Variants in LENG8 observed in about 807,000 individuals in gnomAD.
LENG8 encodes the protein leukocyte receptor cluster (LRC) member 8.
LENG8 carries 28 observed loss-of-function variants against 102.1 expected under a neutral mutation model. The ratio of observed to expected loss-of-function variants is 0.27; its 90% CI spans 0.20 to 0.38. LENG8 has a LOEUF of 0.38. Among genes scored for constraint, LENG8 ranks in the 10% least tolerant of loss-of-function variants. The pLI is 1.00. For synonymous variants in LENG8, 531 were observed against 456.7 expected (o/e 1.16, Z -2.07); for missense variants, 1,022 against 1,113.9 (o/e 0.92, Z 1.17).
intron 1 of LENG8, 47 bp from the exon 2 acceptor site, chr19:54,451,242 GT>G: frequency 4.8e-6 from 6 of 1,247,142 alleles, no homozygotes; most frequent in Non-Finnish European, 5.9e-6. Flanking sequence ...TTTGTGACGT[GT>G]TTTTAGCTCC....
At chr19:54,453,088 C>T (rs1170800788) in intron 4 of LENG8, among the ~76,000 whole-genome samples, 2 of 152,210 alleles carry the variant, frequency 1.3e-5, no homozygotes. Flanking sequence ...TCTTGGAGGT[C>T]TCTGCTCAGA....
At chr19:54,459,208 G>A in intron 15 of LENG8, 1 of 1,115,916 alleles carries the variant, frequency 9.0e-7, no homozygotes, top group Admixed American at 4.5e-5. Flanking sequence ...ACAGCAAGGG[G>A]ATGCTCTTGG....
Position 54,461,480 on chromosome 19 carries a change from A to G in LENG8, c.*552A>G, listed in dbSNP as rs751368532. 4.3e-6 allele frequency: 2 copies of G among 463,810 alleles called. No individual in the cohort carries two copies. The highest frequency in any genetic ancestry group is 8.9e-6 in the Non-Finnish European group (2 of 225,596). The allele number at this position is 463,810 out of a possible 1,614,324, so 28.7% of individuals were successfully genotyped here. On this transcript the variant is annotated 3_prime_UTR_variant, in exon 16 of 16. Transcript: ENST00000326764. ...AGACTGTGCCCGTCCTCGGCCCCCC[A>G]CCCTGAAGTGCCAGCACCACCAGCA... is the stretch of plus-strand genomic sequence containing the variant.
chr19:54,460,627 G>A lies in LENG8; in HGVS notation c.2241-139G>A. 3.5e-6 allele frequency: 5 copies of A among 1,432,152 alleles called. No individual in the cohort carries two copies. In the South Asian group the frequency reaches 7.5e-5, roughly 22 times the overall value. The allele number at this position is 1,432,152 out of a possible 1,614,324, so 88.7% of individuals were successfully genotyped here. Reference sequence around the variant, plus strand: ...CCCGAGCCCCTGAGGTGGGGAGGCTGGGAGGCGGGTGGGGAGCCAGCAGGC... The same window carrying A: ...CCCGAGCCCCTGAGGTGGGGAGGCTAGGAGGCGGGTGGGGAGCCAGCAGGC... On this transcript the variant is annotated intron_variant, in intron 15 of 15. Coordinates refer to ENST00000326764, the MANE Select transcript of LENG8 (RefSeq NM_052925.4).
Position 54,452,089 on chromosome 19 carries a change from G to T in LENG8, c.39-4G>T, listed in dbSNP as rs373695019. ...GTGTGACTTGATGTCCTCTCTCTCT[G>T]CAGGTCTTCTCAGTACAGCATGGTG... On this transcript the variant is annotated splice_polypyrimidine_tract_variant and splice_region_variant and intron_variant, in intron 2 of 15. Coordinates refer to ENST00000326764, the MANE Select transcript of LENG8 (RefSeq NM_052925.4). 5.0e-6 allele frequency: 8 copies of T among 1,606,728 alleles called. No individual in the cohort carries two copies. In the African/African-American group the frequency reaches 9.4e-5, roughly 19 times the overall value.
chr19:54,456,601 G>A (rs748813145), intron 10 of LENG8, 35 bp from the exon 11 acceptor site: 26 of 1,580,366 alleles, frequency 1.6e-5, no homozygotes, highest in Middle Eastern at 3.4e-4. Context: ...GGCTGGAGAC[G>A]CCTGTCGCGC....
In LENG8 at chr19:54,452,131, A is replaced by G. The variant is rs2083991823; in HGVS notation, c.77A>G (p.Glu26Gly). The part of the protein sequence containing the change: ...QYSMVAGAGR[E>G]NGMETPMHEN... ...AGCATGGTGGCTGGGGCAGGCCGAG[A>G]GAATGGCATGGAGACGCCGATGCAC... Residue 26 changes from glutamate to glycine, a missense_variant, in exon 3 of 16, where the codon GAG (glutamate) becomes GGG (glycine). Physicochemically the swap from Glu to Gly is moderately conservative, Grantham distance 98. Coordinates refer to ENST00000326764, the MANE Select transcript of LENG8 (RefSeq NM_052925.4). 5.0e-6 allele frequency: 8 copies of G among 1,614,034 alleles called. No homozygotes were observed. The highest frequency in any genetic ancestry group is 6.8e-6 in the Non-Finnish European group (8 of 1,179,968).
Position 54,458,453 on chromosome 19 carries a change from G to A in LENG8, c.2172G>A (p.Met724Ile). The A allele has an allele frequency of 6.2e-7, 1 of 1,614,276 alleles. No homozygotes were observed. Among genetic ancestry groups the A allele is most frequent in the Non-Finnish European group, 8.5e-7 (1 of 1,180,052 alleles). Residue 724 changes from methionine (M) to isoleucine (I), a missense_variant, in exon 15 of 16, where the codon ATG (methionine) becomes ATA (isoleucine). By Grantham distance (10) the Met-to-Ile change is conservative (BLOSUM62 1). Around this residue, in one of 7 missense-constraint regions of LENG8, gnomAD observed 129 missense variants for 123.0 expected, o/e 1.05. Coordinates refer to ENST00000326764, the MANE Select transcript of LENG8 (RefSeq NM_052925.4). ...FFRLYCHAPC[M>I]SGYLVDKFAD... Reference sequence around the variant, plus strand: ...GGCTCTACTGCCATGCACCCTGCATGTCTGGCTACCTCGTGGACAAGTTTG... The same window carrying A: ...GGCTCTACTGCCATGCACCCTGCATATCTGGCTACCTCGTGGACAAGTTTG...
rs755523170 is a variant in LENG8, at chr19:54,456,183, T to C, written c.1242T>C (p.Ser414=). 1 of 1,611,744 alleles carries C rather than the reference T, an allele frequency of 6.2e-7. No individual in the cohort carries two copies. Among genetic ancestry groups the C allele is most frequent in the Non-Finnish European group, 8.5e-7 (1 of 1,178,554 alleles). Residue 414 remains serine (S), a synonymous_variant, in exon 9 of 16, where the codon TCT becomes TCC. Coordinates refer to ENST00000326764, the MANE Select transcript of LENG8 (RefSeq NM_052925.4). The part of the protein sequence containing the change: ...RNVFMKDNSS[S]SSTDSRSRSS... ...TCTTCATGAAGGACAACAGCTCTTC[T>C]TCCAGCACAGACTCCCGCTCCCGCT... is the stretch of plus-strand genomic sequence containing the variant.
intron 1 of LENG8, among the ~76,000 whole-genome samples, chr19:54,450,706 C>T (rs1404671990): frequency 6.6e-6 from 1 of 151,452 alleles, no homozygotes; most frequent in Non-Finnish European, 1.5e-5. Flanking sequence ...TACCGCCCTC[C>T]GCCTCCCGTG....
chr19:54,452,402 T>C (rs1336532586), intron 3 of LENG8, 135 bp downstream of exon 3: 8 of 873,822 alleles, frequency 9.2e-6, no homozygotes, highest in Non-Finnish European at 1.4e-5. Flanking sequence ...TATCTAAATC[T>C]GAACGGGAAA....
chr19:54,457,028 C>A, intron 11 of LENG8, 107 bp downstream of exon 11: 2 of 1,254,694 alleles, frequency 1.6e-6, no homozygotes, highest in Non-Finnish European at 2.2e-6. Flanking sequence ...TCTGGTATGG[C>A]AGGGGAAGCT....
At chr19:54,460,717 C>CG in intron 15 of LENG8, 49 bp from the exon 16 acceptor site, 299 of 1,359,378 alleles carry the variant, frequency 2.2e-4, no homozygotes, top group Non-Finnish European at 2.7e-4. Context: ...GGGCCCTCCC[C>CG]TGCCCTCCCG....
At chr19:54,460,336 T>G in intron 15 of LENG8, 1 of 1,212,782 alleles carries the variant, frequency 8.2e-7, no homozygotes, top group Non-Finnish European at 1.1e-6. Flanking sequence ...GAGTGCTAGC[T>G]GGCACCCCTG....
Position 54,451,312 on chromosome 19 carries a change from CCCGAGG to C in LENG8, c.-32_-27del. The C allele has an allele frequency of 1.2e-6, 2 of 1,613,462 alleles. 1 individual carries two copies. The highest frequency in any genetic ancestry group is 2.2e-5 in the South Asian group (2 of 91,060). ...TAGACAGTGAAAAAGCAGTCTGGCT[CCCGAGG>C]TCCACCCCTTATACCCCAAGGTCCA... On this transcript the variant is annotated 5_prime_UTR_variant, in exon 2 of 16. Transcript: ENST00000326764.
intron 15 of LENG8, chr19:54,459,702 T>C: frequency 5.8e-6 from 6 of 1,027,468 alleles, no homozygotes; most frequent in Non-Finnish European, 5.9e-6. Flanking sequence ...GCCTGGAGGT[T>C]TGGAGACTCA....
At chr19:54,460,447 G>C in intron 15 of LENG8, 1 of 1,287,440 alleles carries the variant, frequency 7.8e-7, no homozygotes, top group Non-Finnish European at 9.9e-7. Flanking sequence ...CCCCTGCCAC[G>C]TGCTGCTCCC....
chr19:54,460,984 G>A lies in LENG8; in HGVS notation c.*56G>A, dbSNP rs947583084. ...CTGCAGCCCCCAGCGCTGCCTTTGC[G>A]GATTCTGTTTTTGAGCCGTGGACTT... On this transcript the variant is annotated 3_prime_UTR_variant, in exon 16 of 16. Coordinates refer to ENST00000326764, the MANE Select transcript of LENG8 (RefSeq NM_052925.4). 5.1e-5 allele frequency: 78 copies of A among 1,534,726 alleles called. No homozygotes were observed. The highest frequency in any genetic ancestry group is 3.3e-4 in the South Asian group (28 of 83,844).
At position 54,460,571 on chromosome 19, in the gene LENG8, G is replaced by C. The variant is rs562585808; in HGVS notation, c.2241-195G>C. On this transcript the variant is annotated intron_variant, in intron 15 of 15. Coordinates refer to ENST00000326764, the MANE Select transcript of LENG8 (RefSeq NM_052925.4). ...AAGTGAGGGTGAGGGGGGCACAGGG[G>C]ACTGGGGTCACTAACCCCCCCCGGG... is the stretch of plus-strand genomic sequence containing the variant. 55 of 1,416,316 alleles carry C rather than the reference G, an allele frequency of 3.9e-5. No homozygotes were observed. The African/African-American group carries it at 6.9e-4, about 18-fold the overall frequency. The allele number at this position is 1,416,316 out of a possible 1,614,324, so 87.7% of individuals were successfully genotyped here.
Sources: gnomAD v4.1 joint callset for allele counts (sites outside exome capture counted in the v4.1 genomes callset) on GRCh38, gnomAD v4.1.1 for gene constraint, gnomAD v4.1.1 regional missense constraint, MANE v1.5 for transcripts, NCBI Gene and HGNC (gene_info 2026-07-23, HGNC 2026-07-21) for gene names.